The following HYDIN variants were observed in gnomAD, a reference collection of about 807,000 sequenced individuals.
HYDIN encodes HYDIN axonemal central pair apparatus protein, also known as axonemal central pair apparatus protein HYDIN.
HYDIN carries 132 observed loss-of-function variants against 403.9 expected under a neutral mutation model. The observed-to-expected ratio is 0.33, with a 90% CI of 0.28 to 0.38. HYDIN has a LOEUF of 0.38. Ranked by LOEUF, HYDIN falls within the 10% of genes least tolerant of loss-of-function variation. HYDIN has a pLI of 1.00. For missense variants in HYDIN, 2,827 were observed against 5,009.5 expected, an observed-to-expected ratio of 0.56 and a Z score of 13.15; for synonymous variants, 1,202 against 1,891.7, an observed-to-expected ratio of 0.64 and a Z score of 9.46.
chr16:70,880,487 CAG>C (rs1315780683), intron 60 of HYDIN, among the ~76,000 whole-genome samples: 1 of 151,722 alleles, frequency 6.6e-6, no homozygotes, highest in Non-Finnish European at 1.5e-5. Flanking sequence ...GAGAGATGGA[CAG>C]AGCATCCGCT....
intron 80 of HYDIN, among the ~76,000 whole-genome samples, chr16:70,831,453 G>A (rs1384720125): frequency 1.4e-5 from 2 of 139,322 alleles, no homozygotes; most frequent in Non-Finnish European, 3.0e-5. Flanking sequence ...AGGTTGCAGT[G>A]AGCCGAGATC....
At chr16:70,851,566 T>TA (rs1359810772) in intron 73 of HYDIN, among the ~76,000 whole-genome samples, 18 of 149,602 alleles carry the variant, frequency 1.2e-4, no homozygotes, top group Non-Finnish European at 1.5e-4. Context: ...GATTAAGAAA[T>TA]AAAAAACAAC....
In HYDIN at chr16:71,205,609, G is replaced by A. The variant is rs550858722; in HGVS notation, c.-23-18691C>T. 1.4e-4 allele frequency among the ~76,000 whole-genome samples: 21 copies of A among 152,350 alleles called. No homozygotes were observed. In the East Asian group the frequency reaches 2.5e-3, roughly 18 times the overall value. On this transcript the variant is annotated intron_variant, in intron 1 of 85. Coordinates refer to ENST00000393567, the MANE Select transcript of HYDIN (RefSeq NM_001270974.2). ...TGTAGTTCCGAGGAGCACCAACATTGTTCTGCCACTGCTTGCCAGCCAGGG... is the reference window on the plus strand; with the variant it reads ...TGTAGTTCCGAGGAGCACCAACATTATTCTGCCACTGCTTGCCAGCCAGGG...
chr16:70,943,990 T>A (rs751545116), intron 41 of HYDIN, 41 bp from the exon 42 acceptor site: 5 of 1,482,230 alleles, frequency 3.4e-6, no homozygotes, highest in Non-Finnish European at 4.6e-6. Context: ...AATCTGGCCT[T>A]GTATCTCAAC....
chr16:70,856,897 C>A (rs1215877743), intron 72 of HYDIN, among the ~76,000 whole-genome samples: 2 of 152,180 alleles, frequency 1.3e-5, no homozygotes, highest in Non-Finnish European at 2.9e-5. Flanking sequence ...TTATGCAACA[C>A]CACATTGGTG....
At chr16:70,995,251 G>A (rs2079492301) in intron 23 of HYDIN, among the ~76,000 whole-genome samples, 1 of 152,166 alleles carries the variant, frequency 6.6e-6, no homozygotes, top group South Asian at 2.1e-4. Context: ...AGGAACAGGT[G>A]ATTACTTTCC....
Position 71,175,458 on chromosome 16 carries a change from A to C in HYDIN, c.516+149T>G, listed in dbSNP as rs1480123508. 1.3e-5 allele frequency: 11 copies of C among 836,160 alleles called. No homozygotes were observed. In the African/African-American group the frequency reaches 1.5e-4, roughly 12 times the overall value. 51.8% of individuals were successfully genotyped at this position (836,160 alleles called of 1,614,324 possible). ...AGCACTACCACCAATACCACCAACA[A>C]CAACAACACAAATGTCAATACCAAG... On this transcript the variant is annotated intron_variant, in intron 5 of 85. Transcript: ENST00000393567.
chr16:70,810,701 G>A (rs1280076806), intron 84 of HYDIN, among the ~76,000 whole-genome samples: 4 of 151,970 alleles, frequency 2.6e-5, no homozygotes, highest in East Asian at 1.9e-4. Flanking sequence ...GCAGTGGTGC[G>A]CACCTGTAGT....
In HYDIN at chr16:70,860,352, T is replaced by C. The variant is rs1260358857; in HGVS notation, c.11991-146A>G. Reference sequence around the variant, plus strand: ...ACTTTGTTACTGTGGAAATAAAAACTCCATCTCCTCTAGCGATCCACAGTC... The same window carrying C: ...ACTTTGTTACTGTGGAAATAAAAACCCCATCTCCTCTAGCGATCCACAGTC... On this transcript the variant is annotated intron_variant, in intron 70 of 85. Transcript: ENST00000393567. 1.1e-5 allele frequency: 8 copies of C among 737,888 alleles called. No individual in the cohort carries two copies. The Admixed American group carries it at 2.4e-4, about 22-fold the overall frequency. 45.7% of individuals were successfully genotyped at this position (737,888 alleles called of 1,614,324 possible).
intron 5 of HYDIN, among the ~76,000 whole-genome samples, chr16:71,171,410 T>C (rs74885551): frequency 6.6e-6 from 1 of 152,356 alleles, no homozygotes; most frequent in East Asian, 1.9e-4. Flanking sequence ...TATTTGTTTG[T>C]TTGTTTATTC....
At position 70,818,488 on chromosome 16, in the gene HYDIN, T is replaced by C; in HGVS notation, c.14512A>G (p.Ile4838Val). The change falls in exon 84 of 86, where the codon ATC becomes GTC. Residue 4838 changes from isoleucine to valine, a missense_variant. Ile to Val is a conservative substitution (Grantham distance 29, BLOSUM62 3). Coordinates refer to ENST00000393567, the MANE Select transcript of HYDIN (RefSeq NM_001270974.2). ...TGCCGGACTGGGGTCACCATCTCGA[T>C]GGTTTTGATGATGCCTGAAGGGATG... ...RVIPSGIIKT[I>V]EMVTPVRQVA... 2.7e-6 allele frequency: 4 copies of C among 1,468,554 alleles called. No individual in the cohort carries two copies. Among genetic ancestry groups the C allele is most frequent in the Non-Finnish European group, 3.8e-6 (4 of 1,062,990 alleles). 91.0% of individuals were successfully genotyped at this position (1,468,554 alleles called of 1,614,324 possible).
chr16:70,973,218 A>G (rs1460349191), intron 35 of HYDIN, 125 bp downstream of exon 35: 4 of 485,794 alleles, frequency 8.2e-6, no homozygotes, highest in Non-Finnish European at 1.1e-5. Context: ...TTGAGATGCC[A>G]TATTCAGAAA....
At chr16:70,973,175 A>G (rs1034060991) in intron 35 of HYDIN, among the ~76,000 whole-genome samples, 168 bp downstream of exon 35, 10 of 152,364 alleles carry the variant, frequency 6.6e-5, no homozygotes, top group African/African-American at 2.4e-4. Context: ...CCAGACCACC[A>G]GGCCACACAG....
intron 13 of HYDIN, among the ~76,000 whole-genome samples, chr16:71,078,922 TG>T (rs1252519872): frequency 7.2e-5 from 11 of 152,352 alleles, no homozygotes; most frequent in East Asian, 5.8e-4. Flanking sequence ...GTTGTGAATG[TG>T]GCCAACAAGA....
intron 45 of HYDIN, chr16:70,933,662 G>C (rs938418405): frequency 2.6e-5 from 4 of 154,782 alleles, no homozygotes; most frequent in African/African-American, 9.6e-5. Flanking sequence ...GAGGTAGATG[G>C]TGATGGGATC....
At position 70,871,280 on chromosome 16, in the gene HYDIN, C is replaced by T. The variant is rs181220447; in HGVS notation, c.11091+757G>A. Among the ~76,000 whole-genome samples the T allele has an allele frequency of 1.6e-3, 236 of 152,146 alleles. 3 individuals are homozygous for T. Among genetic ancestry groups the T allele is most frequent in the African/African-American group, 5.4e-3 (224 of 41,520 alleles). On this transcript the variant is annotated intron_variant, in intron 65 of 85. Coordinates refer to ENST00000393567, the MANE Select transcript of HYDIN (RefSeq NM_001270974.2). ...CTCAAAGATTTAAAGATGACAAAGT[C>T]CCCAACGCCTTTGCTCCATCCCCCT...
chr16:70,920,900 A>G lies in HYDIN; in HGVS notation c.7476T>C (p.His2492=). Residue 2492 remains histidine (H), a synonymous_variant, in exon 46 of 86, where the codon CAT becomes CAC. Coordinates refer to ENST00000393567, the MANE Select transcript of HYDIN (RefSeq NM_001270974.2). ...LPPAGMEEAP[H]EPDDQRQVPL... ...GGACCTGGCGCTGGTCGTCGGGCTC[A>G]TGGGGCGCTTCCTCCATCCCTGCAG... is the stretch of plus-strand genomic sequence containing the variant. 1 of 1,613,390 alleles carries G rather than the reference A, an allele frequency of 6.2e-7. No homozygotes were observed.
intron 9 of HYDIN, among the ~76,000 whole-genome samples, chr16:71,117,441 CTT>C (rs1228582490): frequency 6.6e-6 from 1 of 151,910 alleles, no homozygotes; most frequent in Non-Finnish European, 1.5e-5. Context: ...AGGTCAAACA[CTT>C]TGCCCCATGC....
intron 8 of HYDIN, among the ~76,000 whole-genome samples, 163 bp from the exon 9 acceptor site, chr16:71,129,986 C>T (rs886283263): frequency 2.0e-5 from 3 of 152,158 alleles, no homozygotes; most frequent in African/African-American, 7.2e-5. Flanking sequence ...ACTCAGTCCT[C>T]AAACCTCTCA....
Sources: gnomAD v4.1 joint callset for allele counts (sites outside exome capture counted in the v4.1 genomes callset) on GRCh38, gnomAD v4.1.1 for gene constraint, MANE v1.5 for transcripts, NCBI Gene and HGNC (gene_info 2026-07-23, HGNC 2026-07-21) for gene names.